Variants in PRKAG2 observed in about 807,000 individuals in gnomAD.
PRKAG2 encodes protein kinase AMP-activated non-catalytic subunit gamma 2, also known as 5'-AMP-activated protein kinase subunit gamma-2.
A neutral mutation model predicts 69.6 loss-of-function variants in PRKAG2; 26 were observed. The observed-to-expected ratio is 0.37, with a 90% CI of 0.27 to 0.52. The LOEUF (loss-of-function observed/expected upper bound fraction) is 0.52, where lower values mean the gene tolerates loss of function less well. Among genes scored for constraint, PRKAG2 ranks in the 20% least tolerant of loss-of-function variants. PRKAG2 has a pLI of 0.90. For synonymous variants in PRKAG2, 293 were observed against 285.0 expected (o/e 1.03, Z -0.28); for missense variants, 557 against 740.0 (o/e 0.75, Z 2.87).
intron 10 of PRKAG2, 31 bp downstream of exon 10, chr7:151,570,140 A>G: frequency 1.9e-6 from 3 of 1,586,518 alleles, no homozygotes; most frequent in Non-Finnish European, 2.6e-6. Flanking sequence ...ATCTGAATGA[A>G]TGTTTTCAAA....
intron 5 of PRKAG2, among the ~76,000 whole-genome samples, chr7:151,601,737 C>T (rs1447393753): frequency 6.6e-6 from 1 of 152,190 alleles, no homozygotes; most frequent in Non-Finnish European, 1.5e-5. Flanking sequence ...AATATGAGAA[C>T]TTGGATGAGA....
At chr7:151,635,819 A>G (rs73158137) in intron 4 of PRKAG2, among the ~76,000 whole-genome samples, 2,292 of 151,834 alleles carry the variant, frequency 0.015, 25 homozygotes, top group Admixed American at 0.027. Flanking sequence ...ATTTTTCCCT[A>G]TGAGTCAGGC....
chr7:151,575,514 T>C (rs569536448), intron 7 of PRKAG2, among the ~76,000 whole-genome samples: 1 of 152,308 alleles, frequency 6.6e-6, no homozygotes, highest in Admixed American at 6.5e-5. Flanking sequence ...AGAGAGACAA[T>C]GGCATTGTCT....
intron 1 of PRKAG2, among the ~76,000 whole-genome samples, chr7:151,832,250 AGGGAGGAGGGAAG>A (rs2079047556): frequency 6.1e-5 from 1 of 16,270 alleles, no homozygotes; most frequent in Non-Finnish European, 1.4e-4. Context: ...GAGGGAAGGA[AGGGAGGAGGGAAG>A]GAAGGGAGGA....
intron 1 of PRKAG2, among the ~76,000 whole-genome samples, chr7:151,845,626 C>T (rs962190560): frequency 6.6e-6 from 1 of 152,166 alleles, no homozygotes; most frequent in Non-Finnish European, 1.5e-5. Context: ...AAGGGAAAGG[C>T]GGTGGCTGCC....
At chr7:151,760,817 T>G (rs2075369855) in intron 3 of PRKAG2, among the ~76,000 whole-genome samples, 1 of 152,214 alleles carries the variant, frequency 6.6e-6, no homozygotes, top group Non-Finnish European at 1.5e-5. Flanking sequence ...GTCTGGAAGA[T>G]TCCAGGCTAG....
intron 4 of PRKAG2, among the ~76,000 whole-genome samples, chr7:151,670,305 C>T (rs1831810388): frequency 6.6e-6 from 1 of 152,224 alleles, no homozygotes; most frequent in African/African-American, 2.4e-5. Flanking sequence ...TCTCCTTCCC[C>T]TTCAATTAAT....
chr7:151,797,362 G>A (rs1023571865), intron 1 of PRKAG2, among the ~76,000 whole-genome samples: 3 of 152,050 alleles, frequency 2.0e-5, no homozygotes, highest in South Asian at 2.1e-4. Context: ...GGACATTTTT[G>A]TAAGGTCACC....
chr7:151,606,441 GA>G (rs1055208996), intron 5 of PRKAG2, among the ~76,000 whole-genome samples: 1 of 152,190 alleles, frequency 6.6e-6, no homozygotes, highest in Non-Finnish European at 1.5e-5. Flanking sequence ...GAAACAGAGT[GA>G]AAATGAGTGT....
intron 1 of PRKAG2, among the ~76,000 whole-genome samples, chr7:151,842,046 TGGTA>T (rs1449072924): frequency 8.1e-6 from 1 of 123,682 alleles, no homozygotes; most frequent in African/African-American, 3.3e-5. Context: ...ATGGTAGTGA[TGGTA>T]GGTAGGGATG....
Position 151,807,456 on chromosome 7 carries a change from C to T in PRKAG2, c.115-20915G>A, listed in dbSNP as rs2078170392. The T allele has an allele frequency of 2.2e-6, 1 of 457,792 alleles. No individual in the cohort carries two copies. Among genetic ancestry groups the T allele is most frequent in the Non-Finnish European group, 4.4e-6 (1 of 226,998 alleles). The allele number at this position is 457,792 out of a possible 1,614,324, so 28.4% of individuals were successfully genotyped here. On this transcript the variant is annotated intron_variant, in intron 1 of 15. Transcript: ENST00000287878. This position sits in a 1 kb window ranked among gnomAD's most constrained non-coding sequence, Gnocchi z 4.4. Reference sequence around the variant, plus strand: ...AAAACTCTCCAGTTTCAATTGGCCTCTTGGTGCCAAAGCACCATGGCGTGT... The same window carrying T: ...AAAACTCTCCAGTTTCAATTGGCCTTTTGGTGCCAAAGCACCATGGCGTGT...
intron 4 of PRKAG2, among the ~76,000 whole-genome samples, chr7:151,672,703 G>A (rs1335718033): frequency 1.3e-5 from 2 of 151,964 alleles, no homozygotes; most frequent in East Asian, 1.9e-4. Flanking sequence ...TCCCTGCGTC[G>A]GAACTTCCTC....
chr7:151,830,025 C>T (rs553577655), intron 1 of PRKAG2, among the ~76,000 whole-genome samples: 4 of 151,188 alleles, frequency 2.6e-5, no homozygotes, highest in African/African-American at 9.7e-5. Context: ...ACACTTTCTG[C>T]GTTATAGAAT....
intron 6 of PRKAG2, among the ~76,000 whole-genome samples, chr7:151,589,478 C>G (rs1465730619): frequency 6.6e-6 from 1 of 152,238 alleles, no homozygotes; most frequent in African/African-American, 2.4e-5. Context: ...GATGCTGAAG[C>G]TGCTAGTCTG....
intron 3 of PRKAG2, among the ~76,000 whole-genome samples, chr7:151,720,914 G>T (rs1796978200): frequency 8.0e-6 from 1 of 124,308 alleles, no homozygotes; most frequent in Non-Finnish European, 1.7e-5. Flanking sequence ...GTGGTGGGGG[G>T]AATGGAGGGG....
In PRKAG2 at chr7:151,699,971, C is replaced by A. The variant is rs1399017005; in HGVS notation, c.467-24334G>T. Among the ~76,000 whole-genome samples the A allele has an allele frequency of 1.3e-5, 2 of 152,206 alleles. No homozygotes were observed. Among genetic ancestry groups the A allele is most frequent in the Non-Finnish European group, 2.9e-5 (2 of 68,024 alleles). ...CCCCACATTGCAGAAACAGCCTCAACAGGAGCCTTGTGTACCTGCCAACAT... is the reference window on the plus strand; with the variant it reads ...CCCCACATTGCAGAAACAGCCTCAAAAGGAGCCTTGTGTACCTGCCAACAT... On this transcript the variant is annotated intron_variant, in intron 3 of 15. Transcript: ENST00000287878. The surrounding 1 kb of genome is among the most constrained non-coding windows in gnomAD (Gnocchi z 4.5).
intron 4 of PRKAG2, among the ~76,000 whole-genome samples, chr7:151,668,925 C>A (rs1051876066): frequency 6.6e-6 from 1 of 152,188 alleles, no homozygotes; most frequent in African/African-American, 2.4e-5. Flanking sequence ...GGAGTGACTG[C>A]TGTGGAAGGA....
chr7:151,681,092 G>A (rs1327342553), intron 3 of PRKAG2, among the ~76,000 whole-genome samples: 6 of 152,172 alleles, frequency 3.9e-5, no homozygotes, highest in Non-Finnish European at 5.9e-5. Context: ...CACGGTGTCC[G>A]CTCCTCCCAT....
chr7:151,592,263 C>G (rs773782952), intron 6 of PRKAG2, among the ~76,000 whole-genome samples: 47 of 152,232 alleles, frequency 3.1e-4, no homozygotes, highest in Non-Finnish European at 4.7e-4. Context: ...CTCTTGAGGA[C>G]AGTGGGGATT....
Sources: allele counts gnomAD v4.1 joint callset (sites outside exome capture counted in the v4.1 genomes callset), GRCh38; gene constraint gnomAD v4.1.1; non-coding constraint Gnocchi (gnomAD v3.1); transcripts MANE v1.5; gene names NCBI Gene and HGNC (gene_info 2026-07-23, HGNC 2026-07-21).